The following ASIC2 variants were observed in gnomAD, a reference collection of about 807,000 sequenced individuals.
ASIC2 encodes the protein acid sensing ion channel subunit 2, also known as acid-sensing ion channel 2.
In ASIC2, 25 loss-of-function variants were observed where a neutral mutation model predicts 57.3. The ratio of observed to expected loss-of-function variants is 0.44; its 90% confidence interval spans 0.32 to 0.61. The LOEUF (loss-of-function observed/expected upper bound fraction) is 0.61. Ranked by LOEUF, ASIC2 falls within the 20% of genes least tolerant of loss-of-function variation. The pLI, the probability that ASIC2 is intolerant of heterozygous loss-of-function variation, is 0.06. For synonymous variants in ASIC2, 319 were observed against 307.5 expected, an observed-to-expected ratio of 1.04 and a Z score of -0.39; for missense variants, 641 against 738.1, an observed-to-expected ratio of 0.87 and a Z score of 1.52.
chr17:33,673,697 C>T (rs1307848998), intron 1 of ASIC2, among the ~76,000 whole-genome samples: 3 of 152,124 alleles, frequency 2.0e-5, no homozygotes, highest in Admixed American at 6.5e-5. Flanking sequence ...AAAACTCTCT[C>T]GGGGAGAAAC....
intron 1 of ASIC2, among the ~76,000 whole-genome samples, chr17:33,717,259 A>C (rs7209819): frequency 0.27 from 40,468 of 152,216 alleles, 8,016 homozygotes; most frequent in African/African-American, 0.56. Flanking sequence ...GCTTTTGCAC[A>C]AAATGGTTGT....
At chr17:33,813,065 C>A (rs577274652) in intron 1 of ASIC2, among the ~76,000 whole-genome samples, 49 of 152,282 alleles carry the variant, frequency 3.2e-4, no homozygotes, top group African/African-American at 1.2e-3. Context: ...GGGGACCTGG[C>A]AGCTTGATGT....
At chr17:33,283,477 A>G (rs973562633) in intron 1 of ASIC2, among the ~76,000 whole-genome samples, 1 of 152,164 alleles carries the variant, frequency 6.6e-6, no homozygotes, top group Non-Finnish European at 1.5e-5. Flanking sequence ...CCCCTTAAGG[A>G]CTTTGCAACC....
At chr17:33,851,095 G>C (rs1474691636) in intron 1 of ASIC2, among the ~76,000 whole-genome samples, 1 of 152,168 alleles carries the variant, frequency 6.6e-6, no homozygotes, top group Non-Finnish European at 1.5e-5. Context: ...ATCCCCAAAG[G>C]GGTCAGGTAG....
At chr17:33,679,414 A>T (rs918196872) in intron 1 of ASIC2, among the ~76,000 whole-genome samples, 2 of 152,188 alleles carry the variant, frequency 1.3e-5, no homozygotes, top group Admixed American at 6.5e-5. Context: ...TGCTTCCATT[A>T]TCTCATTGTT....
intron 1 of ASIC2, among the ~76,000 whole-genome samples, chr17:34,063,180 T>C (rs1251175796): frequency 6.6e-6 from 1 of 152,218 alleles, no homozygotes; most frequent in East Asian, 1.9e-4. Context: ...CATTATCAAG[T>C]GGGTTTCATA....
At chr17:33,936,320 A>T (rs1916057763) in intron 1 of ASIC2, 1 of 152,190 alleles carries the variant, frequency 6.6e-6, no homozygotes, top group Non-Finnish European at 1.5e-5. Flanking sequence ...CTACACGGGG[A>T]TGTTTTCCTC....
chr17:33,428,740 T>A (rs1847541177), intron 1 of ASIC2, among the ~76,000 whole-genome samples: 1 of 152,142 alleles, frequency 6.6e-6, no homozygotes. Context: ...TGCCCACTTC[T>A]CCACTGACGG....
chr17:33,899,811 A>G (rs1027169657), intron 1 of ASIC2, among the ~76,000 whole-genome samples: 1 of 152,198 alleles, frequency 6.6e-6, no homozygotes, highest in East Asian at 1.9e-4. Context: ...CTTCCTTACC[A>G]CCAGCACTTA....
chr17:33,817,960 G>A (rs565798195), intron 1 of ASIC2, among the ~76,000 whole-genome samples: 3 of 152,198 alleles, frequency 2.0e-5, no homozygotes, highest in Non-Finnish European at 4.4e-5. Flanking sequence ...ACATGGTTTC[G>A]GGGTACCACA....
chr17:33,755,590 C>A (rs985521638), intron 1 of ASIC2, among the ~76,000 whole-genome samples: 9 of 152,190 alleles, frequency 5.9e-5, no homozygotes, highest in Admixed American at 4.6e-4. Context: ...TTTAGTTGAT[C>A]ATTTAACACC....
At chr17:33,806,655 C>CTGCCA (rs1197253782) in intron 1 of ASIC2, among the ~76,000 whole-genome samples, 1 of 152,250 alleles carries the variant, frequency 6.6e-6, no homozygotes, top group Admixed American at 6.5e-5. Context: ...TTGCTCTCCT[C>CTGCCA]TGCCATCTTT....
chr17:33,489,659 C>G (rs1913689485), intron 1 of ASIC2, among the ~76,000 whole-genome samples: 2 of 152,224 alleles, frequency 1.3e-5, no homozygotes, highest in African/African-American at 4.8e-5. Context: ...ACAGACCCAA[C>G]CTCCAGCTGA....
At chr17:34,116,496 A>C (rs1056815991) in intron 1 of ASIC2, among the ~76,000 whole-genome samples, 3 of 152,098 alleles carry the variant, frequency 2.0e-5, no homozygotes, top group Non-Finnish European at 2.9e-5. Flanking sequence ...GAGGTGGTGT[A>C]ATTCCTGCTG....
intron 1 of ASIC2, among the ~76,000 whole-genome samples, chr17:33,274,975 C>T (rs1173053285): frequency 2.6e-5 from 4 of 152,094 alleles, no homozygotes; most frequent in Admixed American, 6.5e-5. Context: ...CAGACACCAC[C>T]CCTCCTCATT....
At chr17:33,722,777 T>A (rs1347213148) in intron 1 of ASIC2, among the ~76,000 whole-genome samples, 1 of 151,250 alleles carries the variant, frequency 6.6e-6, no homozygotes, top group East Asian at 1.9e-4. Flanking sequence ...AAAACAACAA[T>A]GGCAACAAAA....
chr17:33,078,939 G>A (rs2039607973), intron 3 of ASIC2, among the ~76,000 whole-genome samples: 1 of 152,212 alleles, frequency 6.6e-6, no homozygotes, highest in African/African-American at 2.4e-5. Context: ...GTGGGGCAGT[G>A]TGTAGATGAG....
At chr17:33,505,569 C>T (rs2044165888) in intron 1 of ASIC2, among the ~76,000 whole-genome samples, 2 of 152,190 alleles carry the variant, frequency 1.3e-5, no homozygotes, top group Admixed American at 6.5e-5. Flanking sequence ...TTATGGTTCC[C>T]CATCATCGGT....
At chr17:33,267,864 A>T (rs1230173539) in intron 1 of ASIC2, among the ~76,000 whole-genome samples, 1 of 152,146 alleles carries the variant, frequency 6.6e-6, no homozygotes, top group Non-Finnish European at 1.5e-5. Flanking sequence ...TCCTTGAGGG[A>T]ACTGAAGATT....
Sources: gnomAD v4.1 joint callset for allele counts (sites outside exome capture counted in the v4.1 genomes callset) on GRCh38, gnomAD v4.1.1 for gene constraint, MANE v1.5 for transcripts, NCBI Gene and HGNC (gene_info 2026-07-23, HGNC 2026-07-21) for gene names.